The following PEX5 variants were observed in gnomAD, a reference collection of about 807,000 sequenced individuals.
PEX5 encodes PTS1 receptor.
In PEX5, 52 loss-of-function variants were observed where a neutral mutation model predicts 82.9. The ratio of observed to expected loss-of-function variants is 0.63; its 90% confidence interval spans 0.50 to 0.79. The LOEUF (loss-of-function observed/expected upper bound fraction) is 0.79. PEX5 is among the 30% of genes least tolerant of loss of function. PEX5 has a pLI of 0.00. For missense variants in PEX5, 719 were observed against 815.2 expected, an observed-to-expected ratio of 0.88 and a Z score of 1.44; for synonymous variants, 300 against 318.8, an observed-to-expected ratio of 0.94 and a Z score of 0.63.
At chr12:7,197,175 TA>T (rs1241875191) in intron 5 of PEX5, among the ~76,000 whole-genome samples, 1 of 77,836 alleles carries the variant, frequency 1.3e-5, no homozygotes, top group Non-Finnish European at 2.6e-5. Context: ...AATGTAATTA[TA>T]TATGTCATAT....
intron 7 of PEX5, 171 bp from the exon 8 acceptor site, chr12:7,202,070 C>A: frequency 9.5e-7 from 1 of 1,049,372 alleles, no homozygotes; most frequent in Non-Finnish European, 1.4e-6. Flanking sequence ...GTCTTTAGAG[C>A]CAGAAATCCC....
In PEX5 at chr12:7,210,314, C is replaced by G. The variant is rs776426585; in HGVS notation, c.*91C>G. ...TCCCCAAATGGGCCTACCAAGGGGG[C>G]GGGCTGATGACCATAAGCGGTACGG... On this transcript the variant is annotated 3_prime_UTR_variant, in exon 16 of 16. Transcript: ENST00000675855. 4.0e-6 allele frequency: 5 copies of G among 1,245,940 alleles called. No individual in the cohort carries two copies. The highest frequency in any genetic ancestry group is 3.7e-4 in the Middle Eastern group (2 of 5,392). The allele number at this position is 1,245,940 out of a possible 1,614,324, so 77.2% of individuals were successfully genotyped here.
At chr12:7,197,922 G>A (rs1275457355) in intron 5 of PEX5, among the ~76,000 whole-genome samples, 1 of 152,172 alleles carries the variant, frequency 6.6e-6, no homozygotes, top group Admixed American at 6.5e-5. Context: ...AATAGCAGGG[G>A]AAGGTGGTGG....
chr12:7,213,808 A>T (rs1419765097), downstream of PEX5, among the ~76,000 whole-genome samples: 1 of 150,670 alleles, frequency 6.6e-6, no homozygotes, highest in Admixed American at 6.6e-5. Flanking sequence ...AATGGGAGAA[A>T]ATTTTCGCAA....
chr12:7,205,063 C>T (rs770640029), intron 10 of PEX5, among the ~76,000 whole-genome samples: 27 of 152,180 alleles, frequency 1.8e-4, no homozygotes, highest in African/African-American at 4.8e-4. Context: ...TACCCAAAAC[C>T]GTAAAATGCC....
At position 7,200,016 on chromosome 12, in the gene PEX5, C is replaced by CCG. The variant is rs1295245049; in HGVS notation, c.551+903_551+904insCG. Among the ~76,000 whole-genome samples the CCG allele has an allele frequency of 4.3e-5, 3 of 69,516 alleles. 1 individual carries two copies. The highest frequency in any genetic ancestry group is 1.1e-4 in the Non-Finnish European group (3 of 27,440). The allele number at this position is 69,516 out of a possible 152,430, so 45.6% of individuals were successfully genotyped here. On this transcript the variant is annotated intron_variant, in intron 6 of 15. Coordinates refer to ENST00000675855, the MANE Select transcript of PEX5 (RefSeq NM_001351132.2). The stretch of plus-strand genomic sequence containing the variant: ...CTCCCGGACGGGGCGGCTGGCCAGG[C>CCG]GGGGGGCTGACCCGCACCTCCCTCC...
intron 12 of PEX5, 83 bp downstream of exon 12, chr12:7,208,163 C>G (rs989656696): frequency 9.6e-7 from 1 of 1,040,534 alleles, no homozygotes; most frequent in Non-Finnish European, 1.5e-6. Context: ...AGACCTGGAT[C>G]CTTGTCTTCT....
At chr12:7,189,879 G>A in intron 1 of PEX5, 129 bp downstream of exon 1, 1 of 1,376,142 alleles carries the variant, frequency 7.3e-7, no homozygotes, top group South Asian at 1.7e-5. Context: ...GGTGGGGAGC[G>A]CGGGAGGGAC....
intron 5 of PEX5, among the ~76,000 whole-genome samples, chr12:7,192,835 A>G (rs1490507573): frequency 1.3e-5 from 2 of 152,326 alleles, no homozygotes; most frequent in African/African-American, 4.8e-5. Context: ...ATCCTTTAGG[A>G]TTGATTCTTC....
At chr12:7,195,831 T>A (rs1307375347) in intron 5 of PEX5, among the ~76,000 whole-genome samples, 1 of 151,128 alleles carries the variant, frequency 6.6e-6, no homozygotes, top group African/African-American at 2.4e-5. Context: ...GATCTTAAAG[T>A]CTCTTTGAGT....
rs143610074 is a variant in PEX5 at position 7,210,196 on chromosome 12, C to T, written c.1893C>T (p.Leu631=). ...GAADARDLST[L]LTMFGLPQ ...CCGACGCGCGGGATCTGTCCACCCT[C>T]CTAACTATGTTTGGCCTGCCCCAGT... is the stretch of plus-strand genomic sequence containing the variant. Residue 631 remains leucine, a synonymous_variant, in exon 16 of 16, where the codon CTC becomes CTT. Transcript: ENST00000675855. The T allele has an allele frequency of 1.2e-5, 19 of 1,614,076 alleles. No individual in the cohort carries two copies. In the African/African-American group the frequency reaches 2.0e-4, roughly 17 times the overall value.
chr12:7,199,555 A>G (rs376951700), intron 6 of PEX5, among the ~76,000 whole-genome samples: 1 of 151,728 alleles, frequency 6.6e-6, no homozygotes, highest in Non-Finnish European at 1.5e-5. Flanking sequence ...CCAAGGCAGA[A>G]GAATTTTTCT....
At position 7,189,991 on chromosome 12, in the gene PEX5, G is replaced by A. The variant is rs1940663764; in HGVS notation, c.-17+241G>A. 6 of 1,501,758 alleles carry A rather than the reference G, an allele frequency of 4.0e-6. No individual in the cohort carries two copies. In the South Asian group the frequency reaches 5.1e-5, roughly 13 times the overall value. 93.0% of individuals were successfully genotyped at this position (1,501,758 alleles called of 1,614,324 possible). On this transcript the variant is annotated intron_variant, in intron 1 of 15. Coordinates refer to ENST00000675855, the MANE Select transcript of PEX5 (RefSeq NM_001351132.2). Reference sequence around the variant, plus strand: ...GCTGCGCGGGGCTAGGTATGGTCGGGCTGTTTTCCCACTGTCCCTTCTTCG... The same window carrying A: ...GCTGCGCGGGGCTAGGTATGGTCGGACTGTTTTCCCACTGTCCCTTCTTCG...
intron 10 of PEX5, 52 bp downstream of exon 10, chr12:7,203,603 C>T (rs954323970): frequency 1.4e-5 from 22 of 1,562,920 alleles, no homozygotes; most frequent in African/African-American, 6.7e-5. Flanking sequence ...TTCTTTTTAA[C>T]GTCTTTCCTT....
At chr12:7,211,683 A>G (rs892032897), downstream of PEX5, among the ~76,000 whole-genome samples, 3 of 152,292 alleles carry the variant, frequency 2.0e-5, no homozygotes, top group African/African-American at 7.2e-5. Flanking sequence ...GATAATCATG[A>G]ATTTTTACTC....
chr12:7,201,898 T>G, intron 7 of PEX5, 57 bp downstream of exon 7: 1 of 1,226,636 alleles, frequency 8.2e-7, no homozygotes, highest in Non-Finnish European at 1.2e-6. Flanking sequence ...AAGGCAAGAA[T>G]CTTGCTTTTC....
intron 10 of PEX5, among the ~76,000 whole-genome samples, chr12:7,206,703 A>T (rs910760113): frequency 7.9e-6 from 1 of 126,124 alleles, no homozygotes; most frequent in African/African-American, 2.6e-5. Flanking sequence ...TTGATTCTTT[A>T]TCATTTTCAC....
At chr12:7,198,873 G>T (rs1213813242) in intron 5 of PEX5, 138 bp from the exon 6 acceptor site, 2 of 623,020 alleles carry the variant, frequency 3.2e-6, no homozygotes, top group Non-Finnish European at 6.0e-6. Flanking sequence ...TTGACCAGGG[G>T]TTTCTGAGGG....
At chr12:7,200,178 C>T (rs1258813400) in intron 6 of PEX5, among the ~76,000 whole-genome samples, 6 of 146,978 alleles carry the variant, frequency 4.1e-5, no homozygotes, top group South Asian at 2.2e-4. Context: ...TCAGACGGGG[C>T]GGCCGGGCAG....
Sources: allele counts gnomAD v4.1 joint callset (sites outside exome capture counted in the v4.1 genomes callset), GRCh38; gene constraint gnomAD v4.1.1; transcripts MANE v1.5; gene names NCBI Gene and HGNC (gene_info 2026-07-23, HGNC 2026-07-21).